PATL2: variants seen among roughly 807,000 people sequenced by gnomAD.
PATL2 encodes PAT1 homolog 2, also known as protein PAT1 homolog 2.
A neutral mutation model predicts 77.0 loss-of-function variants in PATL2; 73 were observed. The observed-to-expected ratio is 0.95, with a 90% CI of 0.78 to 1.15. PATL2 has a LOEUF of 1.15. Among genes scored for constraint, PATL2 ranks in the 50% most tolerant of loss-of-function variants. The pLI is 0.00. For missense variants in PATL2, 618 were observed against 655.4 expected (o/e 0.94, Z 0.62); for synonymous variants, 265 against 257.1 (o/e 1.03, Z -0.29).
chr15:44,704,095 C>G (rs1206398801), intron 3 of PATL2, among the ~76,000 whole-genome samples: 2 of 151,466 alleles, frequency 1.3e-5, no homozygotes, highest in Non-Finnish European at 2.9e-5. Context: ...CTCAAGTGAT[C>G]TGCCCATCTC....
intron 3 of PATL2, among the ~76,000 whole-genome samples, chr15:44,693,055 GCT>G (rs2086426728): frequency 1.3e-5 from 2 of 152,206 alleles, no homozygotes; most frequent in Non-Finnish European, 2.9e-5. Flanking sequence ...TGCTCAGAAT[GCT>G]CTGTGTAGCC....
At chr15:44,673,442 T>G in intron 6 of PATL2, 65 bp from the exon 7 acceptor site, 4 of 1,530,282 alleles carry the variant, frequency 2.6e-6, no homozygotes, top group Non-Finnish European at 3.5e-6. Flanking sequence ...GCTCTTGTTG[T>G]GAGGGCTCAG....
intron 5 of PATL2, 167 bp from the exon 6 acceptor site, chr15:44,674,397 ATCCCTC>A (rs1255630200): frequency 1.7e-6 from 1 of 600,304 alleles, no homozygotes; most frequent in Non-Finnish European, 3.0e-6. Context: ...CTGGGCCAGG[ATCCCTC>A]TCCCTCTCCT....
At chr15:44,670,391 A>G (rs1342787705) in intron 9 of PATL2, among the ~76,000 whole-genome samples, 1 of 152,080 alleles carries the variant, frequency 6.6e-6, no homozygotes, top group South Asian at 2.1e-4. Context: ...GTGGGATTTC[A>G]CCATGTTGCT....
intron 3 of PATL2, among the ~76,000 whole-genome samples, chr15:44,697,707 A>G (rs1285656248): frequency 6.6e-6 from 1 of 152,044 alleles, no homozygotes; most frequent in African/African-American, 2.4e-5. Context: ...CTTCTCGGAA[A>G]GTGCCAAGAG....
In PATL2 at chr15:44,676,934, T is replaced by G. The variant is rs1451882618; in HGVS notation, c.-75-369A>C. 5.9e-6 allele frequency: 6 copies of G among 1,010,178 alleles called. No individual in the cohort carries two copies. In the African/African-American group the frequency reaches 1.0e-4, roughly 17 times the overall value. 62.6% of individuals were successfully genotyped at this position (1,010,178 alleles called of 1,614,324 possible). A position where few individuals can be genotyped will look rare whatever the true frequency, so the allele number is the denominator to read the frequency against. On this transcript the variant is annotated intron_variant, in intron 3 of 17. Coordinates refer to ENST00000682850, the MANE Select transcript of PATL2 (RefSeq NM_001387263.1). ...GCCTGGGCCAGGACCTGTTTGCCGC[T>G]CCTGGCTTTAAAAGTCCCAGCTCCT...
intron 3 of PATL2, among the ~76,000 whole-genome samples, chr15:44,708,539 G>T (rs1256126354): frequency 1.3e-5 from 2 of 152,078 alleles, no homozygotes; most frequent in Admixed American, 6.6e-5. Flanking sequence ...CTTTTCTGGA[G>T]TTTTATATAA....
chr15:44,709,090 G>C (rs1025515226), intron 3 of PATL2, among the ~76,000 whole-genome samples: 6 of 151,994 alleles, frequency 3.9e-5, no homozygotes, highest in Admixed American at 1.3e-4. Flanking sequence ...GTAGAGACAG[G>C]GTTTCACCAT....
chr15:44,676,280 A>C (rs544156319), intron 4 of PATL2, 195 bp downstream of exon 4: 16 of 606,096 alleles, frequency 2.6e-5, no homozygotes, highest in African/African-American at 2.4e-4. Flanking sequence ...TGTTGTTGAT[A>C]ATTTTACTAG....
chr15:44,666,978 ACTG>A, intron 16 of PATL2, 125 bp downstream of exon 16: 1 of 736,176 alleles, frequency 1.4e-6, no homozygotes, highest in Non-Finnish European at 2.3e-6. Flanking sequence ...CAGCTACAAC[ACTG>A]CTACTACTTT....
chr15:44,666,739 A>G, intron 16 of PATL2, 198 bp from the exon 17 acceptor site: 1 of 575,294 alleles, frequency 1.7e-6, no homozygotes. Flanking sequence ...ATTTAATCTT[A>G]AGAACTATGA....
intron 3 of PATL2, among the ~76,000 whole-genome samples, chr15:44,686,062 T>C (rs1000466721): frequency 6.6e-6 from 1 of 152,182 alleles, no homozygotes; most frequent in African/African-American, 2.4e-5. Flanking sequence ...GTGGACCTAA[T>C]AGACATCTAC....
intron 3 of PATL2, among the ~76,000 whole-genome samples, chr15:44,679,157 T>C (rs2086070016): frequency 6.6e-6 from 1 of 151,848 alleles, no homozygotes; most frequent in Non-Finnish European, 1.5e-5. Flanking sequence ...CCACCTCCTG[T>C]GTTCAAGCAA....
chr15:44,705,336 C>A (rs1387052851), intron 3 of PATL2, among the ~76,000 whole-genome samples: 3 of 152,102 alleles, frequency 2.0e-5, no homozygotes, highest in African/African-American at 7.2e-5. Flanking sequence ...GCGCCTGCTG[C>A]CACGTCCAGC....
At chr15:44,679,347 C>T (rs1370252869) in intron 3 of PATL2, among the ~76,000 whole-genome samples, 1 of 151,984 alleles carries the variant, frequency 6.6e-6, no homozygotes, top group Non-Finnish European at 1.5e-5. Flanking sequence ...TGTCCTGCCT[C>T]AGCCTCCTGA....
At chr15:44,705,808 A>ATTTTTTTTTTT (rs1555390143) in intron 3 of PATL2, among the ~76,000 whole-genome samples, 10 of 56,592 alleles carry the variant, frequency 1.8e-4, no homozygotes, top group East Asian at 5.9e-4. Context: ...TCCTCAAAAC[A>ATTTTTTTTTTT]TTGTTTTTTT....
chr15:44,672,773 A>G (rs1265180743), intron 7 of PATL2, among the ~76,000 whole-genome samples: 1 of 152,090 alleles, frequency 6.6e-6, no homozygotes, highest in Non-Finnish European at 1.5e-5. Context: ...TTTTATTTTT[A>G]ATTTTTGAGA....
At position 44,673,318 on chromosome 15, in the gene PATL2, T is replaced by C; in HGVS notation, c.363A>G (p.Pro121=). 4 of 1,551,668 alleles carry C rather than the reference T, an allele frequency of 2.6e-6. No individual in the cohort carries two copies. Among genetic ancestry groups the C allele is most frequent in the Non-Finnish European group, 2.6e-6 (3 of 1,146,988 alleles). The change falls in exon 7 of 18, where the codon CCA becomes CCG. Residue 121 remains proline, a synonymous_variant. Coordinates refer to ENST00000682850, the MANE Select transcript of PATL2 (RefSeq NM_001387263.1). ...GCAGCCGAGGTCCAAAGTGCTGTGC[T>C]GGAGAGCTGGTGCTGGGAAATGTAG... ...FWPTFPSTSS[P]AQHFGPRLPS...
chr15:44,667,929 C>T (rs973501077), intron 15 of PATL2, among the ~76,000 whole-genome samples: 11 of 151,970 alleles, frequency 7.2e-5, no homozygotes, highest in East Asian at 1.9e-4. Flanking sequence ...GGTGACAGAG[C>T]GAGACTATCT....
Sources: allele counts gnomAD v4.1 joint callset (sites outside exome capture counted in the v4.1 genomes callset), GRCh38; gene constraint gnomAD v4.1.1; transcripts MANE v1.5; gene names NCBI Gene and HGNC (gene_info 2026-07-23, HGNC 2026-07-21).